The following RPA1 variants were observed in gnomAD, a reference collection of about 807,000 sequenced individuals.
RPA1 encodes replication protein A1, also known as replication protein A 70 kDa DNA-binding subunit.
Under a neutral mutation model 83.0 loss-of-function variants are expected in RPA1, and 49 were observed. The observed-to-expected ratio is 0.59, with a 90% CI of 0.47 to 0.75. The LOEUF (loss-of-function observed/expected upper bound fraction) is 0.75. Among genes scored for constraint, RPA1 ranks in the 30% least tolerant of loss-of-function variants. RPA1 has a pLI of 0.00. For missense variants in RPA1, 693 were observed against 776.1 expected (o/e 0.89, Z 1.27); for synonymous variants, 279 against 281.8 (o/e 0.99, Z 0.10).
chr17:1,862,412 ATATT>A lies in RPA1; in HGVS notation c.361+9245_361+9248del, dbSNP rs59213671. On this transcript the variant is annotated intron_variant, in intron 5 of 16. Transcript: ENST00000254719. ...GTAGATGTTAATATCGATTAGCTCA[ATATT>A]TATTTATTTATTTATTTATTTGAGA... Among the ~76,000 whole-genome samples the A allele has an allele frequency of 1.4e-4, 21 of 149,146 alleles. No homozygotes were observed. In the South Asian group the frequency reaches 2.1e-3, roughly 15 times the overall value.
rs1914519028 is a variant in RPA1 at position 1,898,225 on chromosome 17, G to A, written c.*1050G>A. On this transcript the variant is annotated 3_prime_UTR_variant, in exon 17 of 17. Coordinates refer to ENST00000254719, the MANE Select transcript of RPA1 (RefSeq NM_002945.5). ...CCTTCTTCCTAGTGTTTGCAGCCCT[G>A]AAATGCATCTTTCAAAGCATGAAAA... The A allele has an allele frequency of 6.6e-6, 1 of 152,188 alleles. No homozygotes were observed. Among genetic ancestry groups the A allele is most frequent in the African/African-American group, 2.4e-5 (1 of 41,450 alleles). 9.4% of individuals were successfully genotyped at this position (152,188 alleles called of 1,614,324 possible). A position where few individuals can be genotyped will look rare whatever the true frequency, so the allele number is the denominator to read the frequency against.
chr17:1,868,221 TACTC>T (rs1273650604), intron 5 of RPA1, among the ~76,000 whole-genome samples: 2 of 152,216 alleles, frequency 1.3e-5, no homozygotes, highest in Non-Finnish European at 2.9e-5. Context: ...CAGGATTACT[TACTC>T]TCGAATTTCG....
intron 1 of RPA1, among the ~76,000 whole-genome samples, chr17:1,840,103 TA>T (rs891512148): frequency 9.3e-5 from 14 of 150,360 alleles, no homozygotes; most frequent in Admixed American, 1.3e-4. Flanking sequence ...CAAAGTACAA[TA>T]AAAAAAAAGA....
At chr17:1,875,282 C>G (rs1004008541) in intron 6 of RPA1, among the ~76,000 whole-genome samples, 2 of 152,170 alleles carry the variant, frequency 1.3e-5, no homozygotes, top group Non-Finnish European at 2.9e-5. Context: ...ATCAGTTTTA[C>G]CAGTTACAAA....
chr17:1,835,102 C>T (rs935945443), intron 1 of RPA1, among the ~76,000 whole-genome samples: 3 of 152,216 alleles, frequency 2.0e-5, no homozygotes, highest in South Asian at 2.1e-4. Flanking sequence ...TCTGCCGCCT[C>T]GGCTTCCCCA....
At chr17:1,835,664 C>T (rs12939098) in intron 1 of RPA1, among the ~76,000 whole-genome samples, 49,586 of 152,026 alleles carry the variant, frequency 0.33, 10,411 homozygotes, top group Non-Finnish European at 0.48. Context: ...CTTAGTACCT[C>T]AAACTAGGTC....
chr17:1,856,994 G>T (rs1011013974), intron 5 of RPA1, among the ~76,000 whole-genome samples: 1 of 151,578 alleles, frequency 6.6e-6, no homozygotes, highest in Admixed American at 6.6e-5. Flanking sequence ...TACTTACTTC[G>T]GGTTTTGTAT....
At chr17:1,840,663 G>T (rs546091436) in intron 1 of RPA1, among the ~76,000 whole-genome samples, 42 of 152,274 alleles carry the variant, frequency 2.8e-4, no homozygotes, top group African/African-American at 9.6e-4. Context: ...TCCTGCTTCC[G>T]TCTCCGAAAT....
chr17:1,851,993 T>A (rs1052633582), intron 4 of RPA1, among the ~76,000 whole-genome samples: 1 of 152,214 alleles, frequency 6.6e-6, no homozygotes, highest in African/African-American at 2.4e-5. Flanking sequence ...TTGGGTAGAT[T>A]ATTGCTTAAA....
intron 5 of RPA1, among the ~76,000 whole-genome samples, chr17:1,866,375 C>T (rs868861552): frequency 2.6e-4 from 39 of 151,904 alleles, no homozygotes; most frequent in Middle Eastern, 3.4e-3. Flanking sequence ...AGTGCAATGG[C>T]GCAATCTCGG....
intron 1 of RPA1, among the ~76,000 whole-genome samples, chr17:1,836,192 A>G (rs942979743): frequency 1.3e-5 from 2 of 151,896 alleles, no homozygotes; most frequent in Admixed American, 1.3e-4. Context: ...GCTCACTGCA[A>G]CCTCTGCCTC....
intron 3 of RPA1, 129 bp downstream of exon 3, chr17:1,844,127 A>G: frequency 1.5e-6 from 1 of 687,296 alleles, no homozygotes; most frequent in Non-Finnish European, 2.5e-6. Context: ...CTTCATTCAG[A>G]CAGAATTGCA....
intron 16 of RPA1, among the ~76,000 whole-genome samples, chr17:1,896,660 TTC>T (rs1914441920): frequency 1.3e-5 from 2 of 152,308 alleles, no homozygotes; most frequent in Non-Finnish European, 2.9e-5. Context: ...GCAGGTGCTC[TTC>T]CTTTCACCAC....
In RPA1 at chr17:1,866,741, G is replaced by A. The variant is rs184564845; in HGVS notation, c.362-5693G>A. Among the ~76,000 whole-genome samples the A allele has an allele frequency of 2.2e-3, 331 of 152,320 alleles. 1 individual carries two copies. Among genetic ancestry groups the A allele is most frequent in the African/African-American group, 6.7e-3 (279 of 41,566 alleles). Reference sequence around the variant, plus strand: ...CTCCCGAAGTGCTGGGATTACAGGCGGGGACCGCTGTGCCCGGCCACCGTT... The same window carrying A: ...CTCCCGAAGTGCTGGGATTACAGGCAGGGACCGCTGTGCCCGGCCACCGTT... On this transcript the variant is annotated intron_variant, in intron 5 of 16. Coordinates refer to ENST00000254719, the MANE Select transcript of RPA1 (RefSeq NM_002945.5).
chr17:1,856,678 AATTTACTTTTTTT>A lies in RPA1; in HGVS notation c.361+3495_361+3507del, dbSNP rs1912711690. Among the ~76,000 whole-genome samples, 5 of 150,854 alleles carry A rather than the reference AATTTACTTTTTTT, an allele frequency of 3.3e-5. No homozygotes were observed. The South Asian group carries it at 1.0e-3, about 31-fold the overall frequency. ...ATTTTTATTTAATTTTTACTTTTTT[AATTTACTTTTTTT>A]ATTTAATTTTTTATATTTTTAGTAG... On this transcript the variant is annotated intron_variant, in intron 5 of 16. Coordinates refer to ENST00000254719, the MANE Select transcript of RPA1 (RefSeq NM_002945.5).
intron 2 of RPA1, among the ~76,000 whole-genome samples, chr17:1,843,356 C>T (rs1312708981): frequency 2.0e-5 from 3 of 151,708 alleles, no homozygotes; most frequent in Non-Finnish European, 4.4e-5. Context: ...CTGCACCACA[C>T]GCGCCGTGGG....
At chr17:1,853,598 G>T (rs748633717) in intron 5 of RPA1, among the ~76,000 whole-genome samples, 1 of 152,122 alleles carries the variant, frequency 6.6e-6, no homozygotes, top group Non-Finnish European at 1.5e-5. Context: ...CAGGGAAATC[G>T]CTTGAACCCA....
chr17:1,842,155 T>C (rs7501844), intron 1 of RPA1, among the ~76,000 whole-genome samples: 119,500 of 151,934 alleles, frequency 0.79, 49,079 homozygotes, highest in Non-Finnish European at 0.92. Flanking sequence ...CTGCATGGGG[T>C]GGTCTTTGTT....
intron 7 of RPA1, 101 bp from the exon 8 acceptor site, chr17:1,877,111 C>A: frequency 9.2e-7 from 1 of 1,085,418 alleles, no homozygotes; most frequent in Admixed American, 2.0e-5. Context: ...GGTTGGAAAA[C>A]GGAATATGCG....
Sources: gnomAD v4.1 joint callset for allele counts (sites outside exome capture counted in the v4.1 genomes callset) on GRCh38, gnomAD v4.1.1 for gene constraint, MANE v1.5 for transcripts, NCBI Gene and HGNC (gene_info 2026-07-23, HGNC 2026-07-21) for gene names.